The following SLC16A9 variants were observed in gnomAD, a reference collection of about 807,000 sequenced individuals.
SLC16A9 encodes the protein solute carrier family 16 member 9, also known as monocarboxylate transporter 9.
A neutral mutation model predicts 44.3 loss-of-function variants in SLC16A9; 26 were observed. The ratio of observed to expected loss-of-function variants is 0.59; its 90% CI spans 0.43 to 0.81. SLC16A9 has a LOEUF of 0.81. Ranked by LOEUF, SLC16A9 falls within the 40% of genes least tolerant of loss-of-function variation. The probability of loss-of-function intolerance (pLI) is 0.00; values close to 1 mark genes in which losing one functional copy is unlikely to be tolerated. For missense variants in SLC16A9, 559 were observed against 595.8 expected (o/e 0.94, Z 0.64); for synonymous variants, 230 against 225.1 (o/e 1.02, Z -0.19).
intron 3 of SLC16A9, among the ~76,000 whole-genome samples, chr10:59,672,071 C>A (rs538710344): frequency 4.9e-4 from 75 of 152,276 alleles, no homozygotes; most frequent in African/African-American, 1.7e-3. Flanking sequence ...TGGAGGCCAT[C>A]TTTTTCTAAG....
intron 1 of SLC16A9, among the ~76,000 whole-genome samples, chr10:59,701,060 G>A (rs933837081): frequency 4.6e-5 from 7 of 152,154 alleles, no homozygotes; most frequent in Non-Finnish European, 1.0e-4. Context: ...ATCTCAACTG[G>A]ATGTGCCCAG....
intron 1 of SLC16A9, among the ~76,000 whole-genome samples, chr10:59,685,400 G>C (rs924022193): frequency 6.6e-6 from 1 of 152,136 alleles, no homozygotes; most frequent in Non-Finnish European, 1.5e-5. Flanking sequence ...GGTAACCAAT[G>C]CATCTTGTTT....
Position 59,650,960 on chromosome 10 carries a change from G to T in SLC16A9, c.*1812C>A, listed in dbSNP as rs527817275. ...GTTTCCTGAACATAACTGGCAAAAA[G>T]GAACTTTCAACACAACAAGTAGTTT... On this transcript the variant is annotated 3_prime_UTR_variant, in exon 6 of 6. Coordinates refer to ENST00000395348, the MANE Select transcript of SLC16A9 (RefSeq NM_194298.3). The T allele has an allele frequency of 6.6e-6, 1 of 151,508 alleles. No individual in the cohort carries two copies. The highest frequency in any genetic ancestry group is 2.1e-4 in the South Asian group (1 of 4,784). The allele number at this position is 151,508 out of a possible 1,614,324, so 9.4% of individuals were successfully genotyped here. A position where few individuals can be genotyped will look rare whatever the true frequency, so the allele number is the denominator to read the frequency against.
intron 3 of SLC16A9, among the ~76,000 whole-genome samples, chr10:59,669,978 G>A (rs1839709033): frequency 6.6e-6 from 1 of 151,870 alleles, no homozygotes; most frequent in Non-Finnish European, 1.5e-5. Flanking sequence ...TGTTAGTTTT[G>A]GAAAAAAATC....
intron 4 of SLC16A9, among the ~76,000 whole-genome samples, chr10:59,659,236 A>G (rs1839417092): frequency 6.6e-6 from 1 of 152,158 alleles, no homozygotes; most frequent in African/African-American, 2.4e-5. Flanking sequence ...TCATTTGGAT[A>G]TGCACGTAGG....
At chr10:59,672,938 CTTA>C (rs1839786117) in intron 2 of SLC16A9, 25 bp from the exon 3 acceptor site, 1 of 1,590,874 alleles carries the variant, frequency 6.3e-7, no homozygotes, top group East Asian at 2.2e-5. Flanking sequence ...GAAACCTTCA[CTTA>C]TTATCATATG....
chr10:59,684,047 G>A (rs2132492212), intron 2 of SLC16A9, 49 bp downstream of exon 2: 1 of 1,467,972 alleles, frequency 6.8e-7, no homozygotes. Flanking sequence ...TGTAGTAAAT[G>A]TAATTAAATG....
chr10:59,704,080 C>T (rs117228590), intron 1 of SLC16A9, among the ~76,000 whole-genome samples: 2,640 of 152,300 alleles, frequency 0.017, 30 homozygotes, highest in Non-Finnish European at 0.029. Context: ...CTTTAGGATT[C>T]TCTCAAAACA....
At chr10:59,697,812 A>G (rs1027694838) in intron 1 of SLC16A9, among the ~76,000 whole-genome samples, 3 of 151,200 alleles carry the variant, frequency 2.0e-5, no homozygotes, top group Non-Finnish European at 4.4e-5. Context: ...GGCTTCTTAA[A>G]TCAAGTTTGT....
chr10:59,701,867 G>A (rs1588999517), intron 1 of SLC16A9, among the ~76,000 whole-genome samples: 1 of 152,154 alleles, frequency 6.6e-6, no homozygotes, highest in Admixed American at 6.6e-5. Flanking sequence ...AGCCCAAACT[G>A]TTTCTCTCAT....
At chr10:59,671,621 A>G (rs746695526) in intron 3 of SLC16A9, among the ~76,000 whole-genome samples, 4 of 152,164 alleles carry the variant, frequency 2.6e-5, no homozygotes, top group Non-Finnish European at 4.4e-5. Flanking sequence ...CCCTTGGACA[A>G]AGCAATAAGA....
chr10:59,661,255 C>T (rs1015045170), intron 4 of SLC16A9, among the ~76,000 whole-genome samples: 2 of 152,154 alleles, frequency 1.3e-5, no homozygotes, highest in African/African-American at 4.8e-5. Flanking sequence ...TTAGAAAACC[C>T]CATCATCTCA....
chr10:59,697,786 TA>T (rs1019159194), intron 1 of SLC16A9, among the ~76,000 whole-genome samples: 1 of 148,712 alleles, frequency 6.7e-6, no homozygotes, highest in South Asian at 2.1e-4. Context: ...AATAAAAAAA[TA>T]AAAAAAAGAT....
At chr10:59,686,695 A>T (rs1399284184) in intron 1 of SLC16A9, among the ~76,000 whole-genome samples, 1 of 152,174 alleles carries the variant, frequency 6.6e-6, no homozygotes, top group Non-Finnish European at 1.5e-5. Context: ...TTGGGTATAT[A>T]CAATGCACAA....
At chr10:59,700,549 C>A (rs1452042641) in intron 1 of SLC16A9, among the ~76,000 whole-genome samples, 1 of 152,198 alleles carries the variant, frequency 6.6e-6, no homozygotes, top group Non-Finnish European at 1.5e-5. Context: ...AGTAACCATC[C>A]AAGCATATGC....
chr10:59,661,861 C>T (rs1839482557), intron 4 of SLC16A9, among the ~76,000 whole-genome samples: 1 of 151,734 alleles, frequency 6.6e-6, no homozygotes, highest in African/African-American at 2.4e-5. Flanking sequence ...CTTTGACAAA[C>T]CTGACAAAAA....
At position 59,653,738 on chromosome 10, in the gene SLC16A9, G is replaced by C. The variant is rs1839272707; in HGVS notation, c.1288C>G (p.His430Asp). 2 of 1,614,094 alleles carry C rather than the reference G, an allele frequency of 1.2e-6. No homozygotes were observed. The highest frequency in any genetic ancestry group is 4.5e-5 in the East Asian group (2 of 44,864). ...TKTVGIEKLA[H>D]AYGILMFFAG... Reference sequence around the variant, plus strand: ...AAGAACATTAATATCCCATAGGCATGGGCTAATTTTTCAATTCCCACAGTC... The same window carrying C: ...AAGAACATTAATATCCCATAGGCATCGGCTAATTTTTCAATTCCCACAGTC... Residue 430 changes from histidine to aspartate, a missense_variant, in exon 5 of 6, where the codon CAT becomes GAT. Transcript: ENST00000395348.
intron 1 of SLC16A9, 87 bp from the exon 2 acceptor site, chr10:59,684,414 A>G: frequency 4.6e-6 from 1 of 217,024 alleles, no homozygotes. Flanking sequence ...TCCTAAAGTG[A>G]AAAAAAAAAA....
Position 59,689,174 on chromosome 10 carries a change from T to C in SLC16A9, c.-36-4847A>G, listed in dbSNP as rs1840200523. 2.0e-5 allele frequency among the ~76,000 whole-genome samples: 3 copies of C among 152,156 alleles called. No individual in the cohort carries two copies. The South Asian group carries it at 6.2e-4, about 32-fold the overall frequency. ...ATCTCAGAGTTTAAGATACATGTAG[T>C]GTCAATAGAACACAGTTAAAACTAC... is the stretch of plus-strand genomic sequence containing the variant. On this transcript the variant is annotated intron_variant, in intron 1 of 5. Coordinates refer to ENST00000395348, the MANE Select transcript of SLC16A9 (RefSeq NM_194298.3).
Sources: gnomAD v4.1 joint callset for allele counts (sites outside exome capture counted in the v4.1 genomes callset) on GRCh38, gnomAD v4.1.1 for gene constraint, MANE v1.5 for transcripts, NCBI Gene and HGNC (gene_info 2026-07-23, HGNC 2026-07-21) for gene names.